Variants in DNA2 observed in about 807,000 individuals in gnomAD.
DNA2 encodes the protein DNA replication ATP-dependent helicase/nuclease DNA2.
Under a neutral mutation model 119.1 loss-of-function variants are expected in DNA2, and 101 were observed. The ratio of observed to expected loss-of-function variants is 0.85; its 90% CI spans 0.72 to 1.00. The LOEUF is 1.00. Among genes scored for constraint, DNA2 ranks in the 50% least tolerant of loss-of-function variants. The pLI is 0.00. For missense variants in DNA2, 1,121 were observed against 1,255.5 expected (o/e 0.89, Z 1.62); for synonymous variants, 366 against 424.4 (o/e 0.86, Z 1.69).
At chr10:68,433,875 C>A (rs1252097234) in intron 10 of DNA2, among the ~76,000 whole-genome samples, 2 of 152,212 alleles carry the variant, frequency 1.3e-5, no homozygotes, top group Non-Finnish European at 2.9e-5. Flanking sequence ...CACTACATCA[C>A]ACGTTTGTGC....
intron 5 of DNA2, among the ~76,000 whole-genome samples, chr10:68,454,762 C>T (rs1461117211): frequency 1.3e-5 from 2 of 151,382 alleles, no homozygotes; most frequent in South Asian, 2.1e-4. Flanking sequence ...GCCGAGATTG[C>T]GCCACTGCAC....
chr10:68,450,664 C>T (rs865997676), intron 5 of DNA2, among the ~76,000 whole-genome samples: 2 of 152,130 alleles, frequency 1.3e-5, no homozygotes, highest in Non-Finnish European at 2.9e-5. Context: ...TTTCTCAGGC[C>T]TAGATTACAA....
chr10:68,469,603 C>T (rs998366131), intron 2 of DNA2, among the ~76,000 whole-genome samples: 2 of 152,036 alleles, frequency 1.3e-5, no homozygotes, highest in Non-Finnish European at 2.9e-5. Context: ...CCTGGGATTA[C>T]AGGCAAGTGC....
At chr10:68,462,244 C>T (rs1036125745) in intron 4 of DNA2, among the ~76,000 whole-genome samples, 1 of 151,700 alleles carries the variant, frequency 6.6e-6, no homozygotes, top group Non-Finnish European at 1.5e-5. Flanking sequence ...TGGTGGCAGG[C>T]ACCTGTAATC....
rs575602787 is a variant in DNA2 at position 68,419,927 on chromosome 10, A to G, written c.2698-35T>C. On this transcript the variant is annotated intron_variant, in intron 17 of 20. Coordinates refer to ENST00000358410, the MANE Select transcript of DNA2 (RefSeq NM_001080449.3). The stretch of plus-strand genomic sequence containing the variant: ...AAAATATACAGCCTGCTGATAATAC[A>G]ATCTCTAAAGAGTACTATAAGTACG... 12 of 1,566,144 alleles carry G rather than the reference A, an allele frequency of 7.7e-6. No homozygotes were observed. In the African/African-American group the frequency reaches 1.3e-4, roughly 18 times the overall value.
At chr10:68,450,780 A>C (rs2133415094) in intron 5 of DNA2, among the ~76,000 whole-genome samples, 1 of 152,322 alleles carries the variant, frequency 6.6e-6, no homozygotes, top group Middle Eastern at 3.4e-3. Context: ...GTTGCGCCCT[A>C]AGCAATGAAA....
chr10:68,464,148 C>T (rs1255300319), intron 4 of DNA2, among the ~76,000 whole-genome samples: 3 of 152,150 alleles, frequency 2.0e-5, no homozygotes, highest in Admixed American at 2.0e-4. Context: ...TATGGTCTCA[C>T]AAAGTCTCAT....
intron 9 of DNA2, among the ~76,000 whole-genome samples, chr10:68,440,228 C>G (rs1438782614): frequency 1.8e-4 from 28 of 151,910 alleles, no homozygotes; most frequent in Non-Finnish European, 5.9e-5. Context: ...TACTGGAACC[C>G]AGGAGGCAGA....
At chr10:68,447,780 G>A (rs536685370) in intron 6 of DNA2, among the ~76,000 whole-genome samples, 33 of 151,720 alleles carry the variant, frequency 2.2e-4, no homozygotes, top group Admixed American at 6.6e-5. Flanking sequence ...TCAGGAGATC[G>A]AGACCATCCT....
chr10:68,443,016 T>G lies in DNA2; in HGVS notation c.1316A>C (p.Glu439Ala), dbSNP rs768058011. 1 of 1,609,932 alleles carries G rather than the reference T, an allele frequency of 6.2e-7. No individual in the cohort carries two copies. The highest frequency in any genetic ancestry group is 1.1e-5 in the South Asian group (1 of 90,348). ...CATTAGACACCAAAGGCTGAAATAT[T>G]CTAAGTGTGTTTGCTTCAGATGCTG... ...ETQHLKQTHL[E>A]YFSLWCLMLT... The change falls in exon 9 of 21, where the codon GAA (glutamate) becomes GCA (alanine). Residue 439 changes from glutamate to alanine, a missense_variant. Coordinates refer to ENST00000358410, the MANE Select transcript of DNA2 (RefSeq NM_001080449.3).
intron 4 of DNA2, among the ~76,000 whole-genome samples, chr10:68,460,659 C>T (rs1382716696): frequency 2.6e-5 from 4 of 152,116 alleles, no homozygotes; most frequent in South Asian, 2.1e-4. Flanking sequence ...CTGCCCGCCT[C>T]GGCCTCTGAA....
chr10:68,456,711 C>A, intron 5 of DNA2, among the ~76,000 whole-genome samples: 1 of 151,544 alleles, frequency 6.6e-6, no homozygotes, highest in East Asian at 1.9e-4. Context: ...CATGCCCGGA[C>A]CCCCTTAAAG....
intron 5 of DNA2, among the ~76,000 whole-genome samples, chr10:68,452,581 T>C (rs751750636): frequency 4.6e-5 from 7 of 151,786 alleles, no homozygotes; most frequent in Non-Finnish European, 8.8e-5. Flanking sequence ...TTATTATTAT[T>C]ATTATTCTGA....
At chr10:68,445,106 C>G (rs964343494) in intron 7 of DNA2, 23 bp from the exon 8 acceptor site, 25 of 1,566,466 alleles carry the variant, frequency 1.6e-5, no homozygotes, top group Non-Finnish European at 2.1e-5. Flanking sequence ...AGGTGAATGT[C>G]TTTTTAAGAG....
intron 5 of DNA2, among the ~76,000 whole-genome samples, chr10:68,456,943 G>A (rs1001859252): frequency 1.9e-4 from 29 of 151,816 alleles, no homozygotes; most frequent in South Asian, 1.3e-3. Context: ...GACCATCCTG[G>A]CTAACACGGT....
chr10:68,420,852 A>G (rs2051655009), intron 17 of DNA2, among the ~76,000 whole-genome samples: 1 of 152,144 alleles, frequency 6.6e-6, no homozygotes, highest in Admixed American at 6.5e-5. Flanking sequence ...AAAGGTCTTC[A>G]TGTGCATATG....
intron 20 of DNA2, 109 bp from the exon 21 acceptor site, chr10:68,415,216 TAAG>T (rs1279802901): frequency 1.6e-6 from 1 of 614,858 alleles, no homozygotes; most frequent in African/African-American, 1.9e-5. Context: ...AAAAAAAAAA[TAAG>T]GATCTTTATG....
At chr10:68,443,187 A>G in intron 8 of DNA2, 76 bp from the exon 9 acceptor site, 1 of 1,190,984 alleles carries the variant, frequency 8.4e-7, no homozygotes, top group Non-Finnish European at 1.2e-6. Context: ...TAATTCCAAA[A>G]TAAGAACACA....
chr10:68,462,526 A>G (rs1392556432), intron 4 of DNA2, among the ~76,000 whole-genome samples: 1 of 152,030 alleles, frequency 6.6e-6, no homozygotes, highest in Admixed American at 6.6e-5. Flanking sequence ...GGGTCCTGAG[A>G]GCAAAAGTTT....
Sources: gnomAD v4.1 joint callset for allele counts (sites outside exome capture counted in the v4.1 genomes callset) on GRCh38, gnomAD v4.1.1 for gene constraint, MANE v1.5 for transcripts, NCBI Gene and HGNC (gene_info 2026-07-23, HGNC 2026-07-21) for gene names.